The following SRGAP3 variants were observed in gnomAD, a reference collection of about 807,000 sequenced individuals.
SRGAP3 encodes SLIT-ROBO Rho GTPase activating protein 3.
In SRGAP3, 39 loss-of-function variants were observed where a neutral mutation model predicts 121.1. That is an observed-to-expected ratio of 0.32 (90% CI 0.25 to 0.42). The LOEUF (loss-of-function observed/expected upper bound fraction) is 0.42, where lower values mean the gene tolerates loss of function less well. SRGAP3 is among the 10% of genes least tolerant of loss of function. The pLI is 1.00. For missense variants in SRGAP3, 1,213 were observed against 1,470.6 expected (o/e 0.82, Z 2.86); for synonymous variants, 601 against 570.0 (o/e 1.05, Z -0.77).
In SRGAP3 at chr3:9,249,099, G is replaced by T; in HGVS notation, c.-148C>A. ...CTCTTTCACTTGGCTGCAGAGCAGG[G>T]AGAAAAATCCTTCTCCTTCTGGAAG... On this transcript the variant is annotated 5_prime_UTR_variant, in exon 1 of 22. Coordinates refer to ENST00000383836, the MANE Select transcript of SRGAP3 (RefSeq NM_014850.4). 2.5e-6 allele frequency: 2 copies of T among 796,072 alleles called. No individual in the cohort carries two copies. The highest frequency in any genetic ancestry group is 2.1e-6 in the Non-Finnish European group (1 of 471,570). The allele number at this position is 796,072 out of a possible 1,614,324, so 49.3% of individuals were successfully genotyped here.
chr3:9,294,742 T>TGTGTGTGTGTGTGTGTG (rs1304568303), intron 3 of SRGAP3, among the ~76,000 whole-genome samples: 21 of 50,998 alleles, frequency 4.1e-4, no homozygotes, highest in Non-Finnish European at 7.4e-4. Flanking sequence ...GTGTGTGTGT[T>TGTGTGTGTGTGTGTGTG]TGGGAGGGCA....
At chr3:9,241,380 A>C (rs1417622760) in intron 1 of SRGAP3, among the ~76,000 whole-genome samples, 1 of 152,104 alleles carries the variant, frequency 6.6e-6, no homozygotes, top group Non-Finnish European at 1.5e-5. Context: ...AGTAGTAAAA[A>C]CTCCAGAAAT....
At chr3:9,100,152 T>C (rs1035810184) in intron 3 of SRGAP3, among the ~76,000 whole-genome samples, 16 of 152,242 alleles carry the variant, frequency 1.1e-4, no homozygotes, top group Non-Finnish European at 1.6e-4. Flanking sequence ...AAGAAGATTA[T>C]ACGTCAGAGC....
chr3:9,291,423 T>C (rs78954090), intron 3 of SRGAP3, among the ~76,000 whole-genome samples: 1,978 of 152,318 alleles, frequency 0.013, 46 homozygotes, highest in African/African-American at 0.045. Context: ...AGGATTTCGT[T>C]ATACTGAGCA....
chr3:8,997,754 G>C (rs1255210773), intron 18 of SRGAP3, among the ~76,000 whole-genome samples: 1 of 152,016 alleles, frequency 6.6e-6, no homozygotes, highest in Non-Finnish European at 1.5e-5. Flanking sequence ...CACATTTTAC[G>C]ATGCTAGATT....
chr3:9,228,665 A>G (rs1260226677), intron 1 of SRGAP3, among the ~76,000 whole-genome samples: 1 of 152,182 alleles, frequency 6.6e-6, no homozygotes, highest in Non-Finnish European at 1.5e-5. Flanking sequence ...TAACAGCCAC[A>G]TCCTAAGTTG....
At chr3:9,207,856 C>T (rs376477739) in intron 1 of SRGAP3, among the ~76,000 whole-genome samples, 26 of 152,290 alleles carry the variant, frequency 1.7e-4, no homozygotes, top group African/African-American at 6.3e-4. Flanking sequence ...TCAATCCTGA[C>T]GAGGGAACTC....
intron 8 of SRGAP3, among the ~76,000 whole-genome samples, chr3:9,053,439 C>T (rs142260320): frequency 6.6e-6 from 1 of 152,198 alleles, no homozygotes; most frequent in Non-Finnish European, 1.5e-5. Flanking sequence ...AGCCAGGTTG[C>T]CCAATTTAAA....
At chr3:9,149,213 C>CA (rs548286364) in intron 1 of SRGAP3, among the ~76,000 whole-genome samples, 1,303 of 56,012 alleles carry the variant, frequency 0.023, 21 homozygotes, top group East Asian at 0.059. Context: ...GACTCCGTCT[C>CA]AAAAAAAAAA....
At chr3:9,185,874 T>C (rs967669698) in intron 1 of SRGAP3, among the ~76,000 whole-genome samples, 1 of 152,106 alleles carries the variant, frequency 6.6e-6, no homozygotes, top group African/African-American at 2.4e-5. Flanking sequence ...GAAAGAAAGA[T>C]TAGAAACAGA....
chr3:8,994,234 T>C (rs1300088149), intron 19 of SRGAP3, 109 bp downstream of exon 19: 11 of 1,402,332 alleles, frequency 7.8e-6, no homozygotes, highest in African/African-American at 1.4e-5. Flanking sequence ...GCGTATGATA[T>C]CAAGGAGAGC....
chr3:9,293,702 G>T (rs1244143554), intron 3 of SRGAP3, among the ~76,000 whole-genome samples: 2 of 152,090 alleles, frequency 1.3e-5, no homozygotes, highest in Non-Finnish European at 2.9e-5. Flanking sequence ...CTCAAAAGAA[G>T]ACATACATGC....
chr3:9,197,388 T>C (rs1258611286), intron 1 of SRGAP3, among the ~76,000 whole-genome samples: 1 of 152,262 alleles, frequency 6.6e-6, no homozygotes, highest in Non-Finnish European at 1.5e-5. Context: ...GGCTCTGCCA[T>C]GAAATGGCTG....
chr3:9,255,928 C>T (rs1298301008), intron 3 of SRGAP3, among the ~76,000 whole-genome samples: 2 of 152,126 alleles, frequency 1.3e-5, no homozygotes, highest in Non-Finnish European at 2.9e-5. Flanking sequence ...CACAGGGAGG[C>T]TGAATGACTT....
chr3:9,311,516 G>A (rs181958306), intron 3 of SRGAP3, among the ~76,000 whole-genome samples: 10 of 152,310 alleles, frequency 6.6e-5, no homozygotes, highest in Non-Finnish European at 1.3e-4. Flanking sequence ...CAGCTCTGCA[G>A]GTGCAGTACA....
chr3:9,215,133 A>C (rs1244962655), intron 1 of SRGAP3, among the ~76,000 whole-genome samples: 1 of 152,222 alleles, frequency 6.6e-6, no homozygotes, highest in Non-Finnish European at 1.5e-5. Context: ...GTATTTCAAC[A>C]AACGATCAAA....
intron 4 of SRGAP3, among the ~76,000 whole-genome samples, chr3:9,069,206 A>T (rs939332139): frequency 3.9e-5 from 6 of 152,212 alleles, no homozygotes; most frequent in South Asian, 2.1e-4. Flanking sequence ...AATTCGGGAG[A>T]CTTGGTTTTG....
chr3:9,187,698 C>T (rs927198183), intron 1 of SRGAP3, among the ~76,000 whole-genome samples: 3 of 152,200 alleles, frequency 2.0e-5, no homozygotes, highest in African/African-American at 7.2e-5. Context: ...CTGCCTCTCT[C>T]TCCTGCCCTG....
chr3:9,250,081 C>G (rs929700559), upstream of SRGAP3, among the ~76,000 whole-genome samples: 3 of 152,156 alleles, frequency 2.0e-5, no homozygotes, highest in Non-Finnish European at 4.4e-5. Flanking sequence ...TGCAGCTTAG[C>G]AAAGCCACGC....
Sources: gnomAD v4.1 joint callset for allele counts (sites outside exome capture counted in the v4.1 genomes callset) on GRCh38, gnomAD v4.1.1 for gene constraint, MANE v1.5 for transcripts, NCBI Gene and HGNC (gene_info 2026-07-23, HGNC 2026-07-21) for gene names.